Variants in IL1RAP observed in about 807,000 individuals in gnomAD.
The protein encoded by IL1RAP is interleukin-1 receptor accessory protein.
IL1RAP carries 35 observed loss-of-function variants against 60.7 expected under a neutral mutation model. The observed-to-expected ratio is 0.58, with a 90% CI of 0.44 to 0.76. The LOEUF is 0.76. Ranked by LOEUF, IL1RAP falls within the 30% of genes least tolerant of loss-of-function variation. The pLI, the probability that IL1RAP is intolerant of heterozygous loss-of-function variation, is 0.00. For missense variants in IL1RAP, 572 were observed against 693.9 expected (o/e 0.82, Z 1.97); for synonymous variants, 268 against 250.9 (o/e 1.07, Z -0.64).
chr3:190,642,900 C>CAACAGTA (rs1296141702), intron 9 of IL1RAP, among the ~76,000 whole-genome samples: 3 of 152,180 alleles, frequency 2.0e-5, no homozygotes, highest in African/African-American at 7.2e-5. Flanking sequence ...AGTAAATATA[C>CAACAGTA]TGTTCCTCCT....
chr3:190,520,353 A>G (rs141285589), intron 1 of IL1RAP: 277 of 152,294 alleles, frequency 1.8e-3, no homozygotes, highest in African/African-American at 6.0e-3. Context: ...TTGCCTCTAC[A>G]GACTAATAAA....
intron 4 of IL1RAP, among the ~76,000 whole-genome samples, chr3:190,607,264 T>G (rs887468505): frequency 6.6e-6 from 1 of 152,184 alleles, no homozygotes; most frequent in Non-Finnish European, 1.5e-5. Flanking sequence ...TGGCTACACA[T>G]AGACTCCTTA....
chr3:190,541,396 C>T (rs187941480), intron 1 of IL1RAP, among the ~76,000 whole-genome samples: 6 of 152,162 alleles, frequency 3.9e-5, no homozygotes, highest in Admixed American at 1.3e-4. Flanking sequence ...GAATCTTTTC[C>T]CTTATTTTCA....
intron 3 of IL1RAP, among the ~76,000 whole-genome samples, chr3:190,576,136 G>A (rs1254059748): frequency 6.6e-6 from 1 of 152,054 alleles, no homozygotes; most frequent in African/African-American, 2.4e-5. Flanking sequence ...ATATTTAAAT[G>A]TAAAAAACCC....
intron 3 of IL1RAP, 41 bp from the exon 4 acceptor site, chr3:190,604,087 A>G: frequency 6.3e-7 from 1 of 1,584,196 alleles, no homozygotes; most frequent in Non-Finnish European, 8.6e-7. Flanking sequence ...TTGTTGTAAA[A>G]TGACTCATCT....
rs150356187 is a variant in IL1RAP at position 190,646,568 on chromosome 3, C to T, written c.1345+726C>T. Reference sequence around the variant, plus strand: ...TAAAAGTACAACTCCTTTTTAGATCCGCACAGTAACACACAAAGTAATTTT... The same window carrying T: ...TAAAAGTACAACTCCTTTTTAGATCTGCACAGTAACACACAAAGTAATTTT... On this transcript the variant is annotated intron_variant, in intron 11 of 11. Coordinates refer to ENST00000447382, the MANE Select transcript of IL1RAP (RefSeq NM_002182.4). Among the ~76,000 whole-genome samples, 162 of 152,160 alleles carry T rather than the reference C, an allele frequency of 1.1e-3. 2 individuals carry two copies. The South Asian group carries it at 0.02, about 19-fold the overall frequency.
At chr3:190,548,104 C>T (rs1399193301) in intron 1 of IL1RAP, among the ~76,000 whole-genome samples, 4 of 152,142 alleles carry the variant, frequency 2.6e-5, no homozygotes, top group South Asian at 4.1e-4. Flanking sequence ...CCAAGGATGC[C>T]TTGGATCCAT....
chr3:190,655,953 T>C, downstream of IL1RAP: 1 of 1,537,350 alleles, frequency 6.5e-7, no homozygotes, highest in Non-Finnish European at 8.7e-7. Flanking sequence ...TTCTGAGCCC[T>C]GACTATGTGA....
downstream of IL1RAP, among the ~76,000 whole-genome samples, chr3:190,655,543 T>A (rs1397066234): frequency 6.7e-6 from 1 of 149,506 alleles, no homozygotes; most frequent in African/African-American, 2.5e-5. Flanking sequence ...TGAGGGTAGT[T>A]ACTCAATTGC....
intron 1 of IL1RAP, among the ~76,000 whole-genome samples, chr3:190,530,688 T>C (rs1398956125): frequency 6.6e-6 from 1 of 152,220 alleles, no homozygotes; most frequent in Non-Finnish European, 1.5e-5. Context: ...AATTGGCTTA[T>C]GCAATCATGT....
chr3:190,553,609 G>C (rs57688420), intron 1 of IL1RAP, among the ~76,000 whole-genome samples: 13,307 of 152,146 alleles, frequency 0.087, 648 homozygotes, highest in South Asian at 0.16. Context: ...GACGGGGAAC[G>C]GGGAGCTGCC....
At chr3:190,604,604 T>A (rs563014460) in intron 4 of IL1RAP, among the ~76,000 whole-genome samples, 191 bp downstream of exon 4, 2 of 152,120 alleles carry the variant, frequency 1.3e-5, no homozygotes, top group South Asian at 4.1e-4. Flanking sequence ...GCCCTTAGAA[T>A]GTTCTCCAGA....
intron 3 of IL1RAP, among the ~76,000 whole-genome samples, chr3:190,588,961 G>A (rs566053470): frequency 1.3e-5 from 2 of 152,268 alleles, no homozygotes; most frequent in African/African-American, 4.8e-5. Flanking sequence ...TAATGTTCAT[G>A]ATATGGTTAT....
Position 190,604,425 on chromosome 3 carries a change from C to T in IL1RAP, c.350+12C>T. 6.2e-7 allele frequency: 1 copy of T among 1,608,978 alleles called. No individual in the cohort carries two copies. Among genetic ancestry groups the T allele is most frequent in the Non-Finnish European group, 8.5e-7 (1 of 1,178,074 alleles). On this transcript the variant is annotated intron_variant, in intron 4 of 11. Coordinates refer to ENST00000447382, the MANE Select transcript of IL1RAP (RefSeq NM_002182.4). Reference sequence around the variant, plus strand: ...ACCTGCATGTTAAGGTAGCCTGATTCTTGGCAGTGGCTTTCTCTTTTCCCT... The same window carrying T: ...ACCTGCATGTTAAGGTAGCCTGATTTTTGGCAGTGGCTTTCTCTTTTCCCT...
intron 3 of IL1RAP, among the ~76,000 whole-genome samples, chr3:190,591,041 C>T (rs549548433): frequency 6.6e-6 from 1 of 152,238 alleles, no homozygotes; most frequent in Admixed American, 6.5e-5. Flanking sequence ...TGTAAAATCT[C>T]CCTTGTCGTC....
intron 1 of IL1RAP, 156 bp from the exon 2 acceptor site, chr3:190,555,974 A>G (rs1176735936): frequency 1.3e-5 from 2 of 149,530 alleles, no homozygotes; most frequent in Non-Finnish European, 3.0e-5. Context: ...CTATCTATCT[A>G]TCTTCTATAG....
intron 5 of IL1RAP, among the ~76,000 whole-genome samples, chr3:190,618,779 A>G (rs1463516582): frequency 6.6e-6 from 1 of 152,224 alleles, no homozygotes; most frequent in African/African-American, 2.4e-5. Context: ...AGTGTCTACA[A>G]GTATTGCTTA....
Position 190,620,357 on chromosome 3 carries a change from A to T in IL1RAP, c.620A>T (p.Asn207Ile). The T allele has an allele frequency of 6.2e-7, 1 of 1,606,882 alleles. No individual in the cohort carries two copies. Among genetic ancestry groups the T allele is most frequent in the Middle Eastern group, 1.7e-4 (1 of 6,036 alleles). The change falls in exon 6 of 12, where the codon AAT becomes ATT. Residue 207 changes from asparagine (N) to isoleucine (I), a missense_variant. By Grantham distance (149) the Asn-to-Ile change is moderately radical. Transcript: ENST00000447382. ...TTCCTCATTGCCTTAATTTCAAATA[A>T]TGGAAATTACACATGTGTTGTTACA... ...LSFLIALISN[N>I]GNYTCVVTYP...
chr3:190,523,337 C>A (rs1722243621), intron 1 of IL1RAP, among the ~76,000 whole-genome samples: 1 of 152,012 alleles, frequency 6.6e-6, no homozygotes, highest in Non-Finnish European at 1.5e-5. Context: ...CTTACACATA[C>A]TATTTTATTA....
Sources: gnomAD v4.1 joint callset for allele counts (sites outside exome capture counted in the v4.1 genomes callset) on GRCh38, gnomAD v4.1.1 for gene constraint, MANE v1.5 for transcripts, NCBI Gene and HGNC (gene_info 2026-07-23, HGNC 2026-07-21) for gene names.